Variants in CCPG1 observed in about 807,000 individuals in gnomAD.
CCPG1 encodes cell cycle progression protein 1.
A neutral mutation model predicts 81.3 loss-of-function variants in CCPG1; 46 were observed. The ratio of observed to expected loss-of-function variants is 0.57; its 90% CI spans 0.45 to 0.72. The LOEUF (loss-of-function observed/expected upper bound fraction) is 0.72, where lower values mean the gene tolerates loss of function less well. CCPG1 is among the 30% of genes least tolerant of loss of function. The probability of loss-of-function intolerance (pLI) is 0.00; values close to 1 mark genes in which losing one functional copy is unlikely to be tolerated. For missense variants in CCPG1, 902 were observed against 937.6 expected (o/e 0.96, Z 0.50); for synonymous variants, 330 against 305.2 (o/e 1.08, Z -0.85).
chr15:55,373,546 TGA>T (rs1348802845), intron 5 of CCPG1, among the ~76,000 whole-genome samples: 2 of 152,228 alleles, frequency 1.3e-5, no homozygotes, highest in Non-Finnish European at 2.9e-5. Flanking sequence ...CAGATGCCAC[TGA>T]GAGATCTTTT....
intron 6 of CCPG1, among the ~76,000 whole-genome samples, chr15:55,370,034 A>T (rs1216675986): frequency 6.6e-6 from 1 of 152,214 alleles, no homozygotes; most frequent in African/African-American, 2.4e-5. Flanking sequence ...AAATCTTATT[A>T]CAACAAATTT....
At chr15:55,381,053 C>T (rs1031993170) in intron 3 of CCPG1, among the ~76,000 whole-genome samples, 7 of 151,890 alleles carry the variant, frequency 4.6e-5, no homozygotes, top group Non-Finnish European at 8.8e-5. Flanking sequence ...AGGAGAATGG[C>T]GTGAACCCGG....
At chr15:55,406,597 G>T (rs1210564768) in intron 1 of CCPG1, among the ~76,000 whole-genome samples, 1 of 151,522 alleles carries the variant, frequency 6.6e-6, no homozygotes, top group African/African-American at 2.4e-5. Flanking sequence ...GGGTTTACAG[G>T]CTAATTTTTG....
intron 3 of CCPG1, among the ~76,000 whole-genome samples, chr15:55,379,732 A>G (rs573503923): frequency 6.6e-6 from 1 of 152,316 alleles, no homozygotes; most frequent in Non-Finnish European, 1.5e-5. Flanking sequence ...TACAGAAGAT[A>G]TATTTTATAA....
chr15:55,356,829 C>CACCT, intron 8 of CCPG1: 2 of 990,104 alleles, frequency 2.0e-6, no homozygotes, highest in Non-Finnish European at 2.4e-6. Context: ...AAGCTCACAA[C>CACCT]ACCTACACCG....
intron 6 of CCPG1, among the ~76,000 whole-genome samples, chr15:55,369,874 T>A (rs567905387): frequency 6.6e-6 from 1 of 152,310 alleles, no homozygotes; most frequent in South Asian, 2.1e-4. Context: ...TAAATCACTA[T>A]CCAATTTTTT....
intron 7 of CCPG1, among the ~76,000 whole-genome samples, chr15:55,362,915 C>T (rs1159737913): frequency 6.6e-6 from 1 of 151,918 alleles, no homozygotes; most frequent in Non-Finnish European, 1.5e-5. Flanking sequence ...GTGGCGTGTG[C>T]TTGTGGTCGC....
chr15:55,385,816 C>G, intron 2 of CCPG1, 102 bp from the exon 3 acceptor site: 2 of 704,346 alleles, frequency 2.8e-6, no homozygotes, highest in Non-Finnish European at 5.2e-6. Flanking sequence ...GTCTCAGATG[C>G]TGCCATACTC....
At chr15:55,395,961 C>T (rs1028411112) in intron 1 of CCPG1, among the ~76,000 whole-genome samples, 1 of 152,042 alleles carries the variant, frequency 6.6e-6, no homozygotes, top group South Asian at 2.1e-4. Flanking sequence ...AAAGACCAAC[C>T]TGGCCAACAT....
chr15:55,358,325 G>A (rs1227812931), intron 8 of CCPG1: 2 of 955,936 alleles, frequency 2.1e-6, no homozygotes, highest in African/African-American at 1.8e-5. Flanking sequence ...GCATCCACTG[G>A]GGGTCTTGGA....
intron 3 of CCPG1, among the ~76,000 whole-genome samples, chr15:55,379,390 T>C (rs533190702): frequency 6.6e-6 from 1 of 151,998 alleles, no homozygotes; most frequent in East Asian, 1.9e-4. Context: ...TATTTGGGCA[T>C]GGTGGTATGT....
At chr15:55,377,374 T>C (rs922287108) in intron 4 of CCPG1, among the ~76,000 whole-genome samples, 1 of 152,184 alleles carries the variant, frequency 6.6e-6, no homozygotes, top group Non-Finnish European at 1.5e-5. Context: ...CACTGCATTC[T>C]CCTAGTGGGC....
Position 55,360,403 on chromosome 15 carries a change from T to A in CCPG1, c.1370A>T (p.Asp457Val). 6.2e-7 allele frequency: 1 copy of A among 1,613,874 alleles called. No homozygotes were observed. The highest frequency in any genetic ancestry group is 1.1e-5 in the South Asian group (1 of 91,080). Residue 457 changes from aspartate to valine, a missense_variant, in exon 8 of 9, where the codon GAT (aspartate) becomes GTT (valine). Physicochemically the swap from Asp to Val is radical, Grantham distance 152 (BLOSUM62 -3). Around this residue, in one of 3 missense-constraint regions of CCPG1, gnomAD observed 746 missense variants for 728.6 expected, o/e 1.02. Transcript: ENST00000442196. Reference protein sequence around the residue: ...LWERLYVEAKDQNGKQGTDGK... With the variant: ...LWERLYVEAKVQNGKQGTDGK... Reference sequence around the variant, plus strand: ...ATCTGTTCCTTGTTTTCCATTTTGATCTTTTGCCTCAACATACAATCTTTC... The same window carrying A: ...ATCTGTTCCTTGTTTTCCATTTTGAACTTTTGCCTCAACATACAATCTTTC...
At position 55,370,850 on chromosome 15, in the gene CCPG1, TG is replaced by T. The variant is rs2056431900; in HGVS notation, c.706+942del. 9.0e-5 allele frequency among the ~76,000 whole-genome samples: 11 copies of T among 122,824 alleles called. No homozygotes were observed. The Admixed American group carries it at 1.0e-3, about 11-fold the overall frequency. 80.6% of individuals were successfully genotyped at this position (122,824 alleles called of 152,430 possible). A position where few individuals can be genotyped will look rare whatever the true frequency, so the allele number is the denominator to read the frequency against. On this transcript the variant is annotated intron_variant, in intron 6 of 8. Transcript: ENST00000442196. ...AAGGTCGCACCACTGGACTCCAGCC[TG>T]GGCGACAGAGTGAGACTCCGTCTCA... is the stretch of plus-strand genomic sequence containing the variant.
intron 3 of CCPG1, among the ~76,000 whole-genome samples, chr15:55,382,240 T>TGCAC (rs976729844): frequency 1.3e-5 from 2 of 152,142 alleles, no homozygotes; most frequent in African/African-American, 2.4e-5. Flanking sequence ...CTCTGTAGCA[T>TGCAC]GCAATGCTGT....
intron 6 of CCPG1, 135 bp downstream of exon 6, chr15:55,371,658 A>G: frequency 1.3e-6 from 1 of 786,324 alleles, no homozygotes; most frequent in Non-Finnish European, 2.0e-6. Flanking sequence ...GAGAAAACTG[A>G]GGCTCAAACA....
chr15:55,360,910 A>G lies in CCPG1; in HGVS notation c.863T>C (p.Leu288Pro). 6.3e-7 allele frequency: 1 copy of G among 1,583,298 alleles called. No individual in the cohort carries two copies. Among genetic ancestry groups the G allele is most frequent in the Non-Finnish European group, 8.5e-7 (1 of 1,169,684 alleles). ...AAAGGACATCTTCTCTGCTTCAGTA[A>G]GTGTCCAACACCTTGCAAGATTTTC... ...LKENLARCWT[L>P]TEAEKMSFET... Residue 288 changes from leucine to proline, a missense_variant, in exon 8 of 9, where the codon CTT becomes CCT. Leu to Pro is a moderately conservative substitution (Grantham distance 98). Transcript: ENST00000442196.
In CCPG1 at chr15:55,386,618, G is replaced by A. The variant is rs189858575; in HGVS notation, c.61-904C>T. Among the ~76,000 whole-genome samples, 201 of 152,196 alleles carry A rather than the reference G, an allele frequency of 1.3e-3. 1 individual carries two copies. Among genetic ancestry groups the A allele is most frequent in the African/African-American group, 3.7e-3 (155 of 41,522 alleles). Reference sequence around the variant, plus strand: ...AAGAATTCATGAAAAAAGTAGGGCCGGGGCAGTGGCTCACGCCTGTAATCC... The same window carrying A: ...AAGAATTCATGAAAAAAGTAGGGCCAGGGCAGTGGCTCACGCCTGTAATCC... On this transcript the variant is annotated intron_variant, in intron 2 of 8. Transcript: ENST00000442196.
At chr15:55,369,687 A>C (rs1232589149) in intron 6 of CCPG1, among the ~76,000 whole-genome samples, 1 of 152,244 alleles carries the variant, frequency 6.6e-6, no homozygotes, top group Non-Finnish European at 1.5e-5. Context: ...GCTAATATCA[A>C]GTAAAGGACA....
Sources: gnomAD v4.1 joint callset for allele counts (sites outside exome capture counted in the v4.1 genomes callset) on GRCh38, gnomAD v4.1.1 for gene constraint, gnomAD v4.1.1 regional missense constraint, MANE v1.5 for transcripts, NCBI Gene and HGNC (gene_info 2026-07-23, HGNC 2026-07-21) for gene names.